ELAVL2: variants seen among roughly 807,000 people sequenced by gnomAD.
The protein encoded by ELAVL2 is ELAV-like protein 2.
ELAVL2 carries 4 observed loss-of-function variants against 34.6 expected under a neutral mutation model. The ratio of observed to expected loss-of-function variants is 0.12; its 90% confidence interval spans 0.06 to 0.26. ELAVL2 has a LOEUF of 0.26. ELAVL2 is among the 10% of genes least tolerant of loss of function. The pLI is 1.00. For missense variants in ELAVL2, 432 were observed against 442.8 expected (o/e 0.98, Z 0.22); for synonymous variants, 193 against 154.8 (o/e 1.25, Z -1.83).
chr9:23,770,862 T>C (rs917663328), intron 1 of ELAVL2, among the ~76,000 whole-genome samples: 8 of 152,178 alleles, frequency 5.3e-5, no homozygotes, highest in East Asian at 3.9e-4. Context: ...CATGGAGATA[T>C]CTAGAAGAAA....
intron 5 of ELAVL2, among the ~76,000 whole-genome samples, chr9:23,700,101 T>C (rs2133081923): frequency 6.6e-6 from 1 of 152,282 alleles, no homozygotes; most frequent in South Asian, 2.1e-4. Context: ...AATGCATAGA[T>C]TTAAGCTAGA....
At chr9:23,774,692 C>T (rs2057917385) in intron 1 of ELAVL2, among the ~76,000 whole-genome samples, 1 of 134,846 alleles carries the variant, frequency 7.4e-6, no homozygotes, top group Admixed American at 7.9e-5. Context: ...CATCTCCCAT[C>T]CTCTTTGAGC....
At chr9:23,785,626 T>TG (rs1458127283) in intron 1 of ELAVL2, among the ~76,000 whole-genome samples, 25 of 152,336 alleles carry the variant, frequency 1.6e-4, no homozygotes, top group African/African-American at 5.8e-4. Flanking sequence ...GTCTCACGTC[T>TG]GTTAACCCAA....
In ELAVL2 at chr9:23,690,324, C is replaced by G. The variant is rs539808770; in HGVS notation, c.*2233G>C. ...TGTAAAGTGAAGCACAATTTGCATG[C>G]CCTCTCATCAATGCCTTGGTTTGCT... is the stretch of plus-strand genomic sequence containing the variant. On this transcript the variant is annotated 3_prime_UTR_variant, in exon 7 of 7. Coordinates refer to ENST00000397312, the MANE Select transcript of ELAVL2 (RefSeq NM_004432.5). The G allele has an allele frequency of 1.3e-5, 2 of 152,674 alleles. No homozygotes were observed. Among genetic ancestry groups the G allele is most frequent in the East Asian group, 3.9e-4 (2 of 5,184 alleles). 9.5% of individuals were successfully genotyped at this position (152,674 alleles called of 1,614,324 possible). A position where few individuals can be genotyped will look rare whatever the true frequency, so the allele number is the denominator to read the frequency against.
intron 2 of ELAVL2, among the ~76,000 whole-genome samples, chr9:23,735,900 G>A (rs1402318598): frequency 6.6e-6 from 1 of 152,104 alleles, no homozygotes; most frequent in Non-Finnish European, 1.5e-5. Context: ...AAAACAGGAA[G>A]AAAACCCGTT....
intron 1 of ELAVL2, among the ~76,000 whole-genome samples, chr9:23,785,807 A>G (rs981816885): frequency 6.6e-6 from 1 of 152,238 alleles, no homozygotes; most frequent in Non-Finnish European, 1.5e-5. Context: ...ACACAATGGG[A>G]AAAGTAGTTG....
intron 2 of ELAVL2, among the ~76,000 whole-genome samples, chr9:23,754,128 G>A: frequency 6.6e-6 from 1 of 151,854 alleles, no homozygotes; most frequent in Non-Finnish European, 1.5e-5. Context: ...CTGTCTCGTG[G>A]GAGTGACACA....
chr9:23,719,547 T>C (rs1587663959), intron 3 of ELAVL2, among the ~76,000 whole-genome samples: 1 of 152,200 alleles, frequency 6.6e-6, no homozygotes, highest in Non-Finnish European at 1.5e-5. Flanking sequence ...TGTAAGCCTT[T>C]TGGCAAGAGT....
intron 3 of ELAVL2, among the ~76,000 whole-genome samples, chr9:23,718,689 A>T (rs1339846306): frequency 6.6e-6 from 1 of 152,240 alleles, no homozygotes; most frequent in African/African-American, 2.4e-5. Context: ...AAGTTATGCA[A>T]CTATGAAAAA....
At chr9:23,753,933 A>C (rs1161586835) in intron 2 of ELAVL2, among the ~76,000 whole-genome samples, 3 of 152,216 alleles carry the variant, frequency 2.0e-5, no homozygotes, top group Non-Finnish European at 4.4e-5. Flanking sequence ...CAGCAAAGCA[A>C]CAAAGAGAAA....
chr9:23,850,471 C>T, the ELAVL2 span, among the ~76,000 whole-genome samples: 1 of 152,092 alleles, frequency 6.6e-6, no homozygotes, highest in Non-Finnish European at 1.5e-5. Flanking sequence ...CTGCTAGGAT[C>T]CTTGCCGTCT....
intron 3 of ELAVL2, among the ~76,000 whole-genome samples, chr9:23,716,893 C>T (rs2042440391): frequency 6.6e-6 from 1 of 152,192 alleles, no homozygotes; most frequent in South Asian, 2.1e-4. Context: ...ACACTGACAA[C>T]ACTAGAACAG....
At chr9:23,811,339 A>AAC (rs35623217) in intron 1 of ELAVL2, among the ~76,000 whole-genome samples, 15,172 of 152,010 alleles carry the variant, frequency 0.1, 995 homozygotes, top group Non-Finnish European at 0.13. Context: ...AGGAAAAAAA[A>AAC]AAAAACCCAC....
chr9:23,759,757 TATATATATATA>T (rs2054483127), intron 2 of ELAVL2, among the ~76,000 whole-genome samples: 5 of 62,584 alleles, frequency 8.0e-5, no homozygotes, highest in African/African-American at 4.2e-4. Context: ...TATAGTATTA[TATATATATATA>T]TATATATATA....
chr9:23,736,712 C>CACTG, intron 2 of ELAVL2, among the ~76,000 whole-genome samples: 1 of 152,290 alleles, frequency 6.6e-6, no homozygotes, highest in East Asian at 1.9e-4. Flanking sequence ...TGGCCCTGAT[C>CACTG]ACTGCTACAC....
chr9:23,704,007 A>C (rs2038417639), intron 4 of ELAVL2, among the ~76,000 whole-genome samples: 1 of 152,064 alleles, frequency 6.6e-6, no homozygotes, highest in Non-Finnish European at 1.5e-5. Context: ...ATCTCAGCTC[A>C]CCGTGACCTC....
At chr9:23,699,170 A>G (rs574951866) in intron 5 of ELAVL2, among the ~76,000 whole-genome samples, 1 of 152,338 alleles carries the variant, frequency 6.6e-6, no homozygotes, top group South Asian at 2.1e-4. Flanking sequence ...TGACCATAAG[A>G]ACATCCTGTA....
At chr9:23,697,692 A>G (rs1434204573) in intron 5 of ELAVL2, among the ~76,000 whole-genome samples, 1 of 152,146 alleles carries the variant, frequency 6.6e-6, no homozygotes, top group African/African-American at 2.4e-5. Flanking sequence ...AGGTGTTCAT[A>G]AGTAGAAAAT....
intron 1 of ELAVL2, among the ~76,000 whole-genome samples, chr9:23,794,858 TTAA>T (rs981359247): frequency 4.6e-5 from 7 of 152,276 alleles, no homozygotes; most frequent in Admixed American, 1.3e-4. Context: ...TTCTCTTGTT[TTAA>T]TAATAAGTAG....
Sources: allele counts gnomAD v4.1 joint callset (sites outside exome capture counted in the v4.1 genomes callset), GRCh38; gene constraint gnomAD v4.1.1; transcripts MANE v1.5; gene names NCBI Gene and HGNC (gene_info 2026-07-23, HGNC 2026-07-21).